The following CPLANE1 variants were observed in gnomAD, a reference collection of about 807,000 sequenced individuals.
CPLANE1 encodes the protein ciliogenesis and planar polarity effector 1.
CPLANE1 carries 263 observed loss-of-function variants against 362.5 expected under a neutral mutation model. That is an observed-to-expected ratio of 0.73 (90% confidence interval 0.66 to 0.80). The LOEUF (loss-of-function observed/expected upper bound fraction) is 0.80, where lower values mean the gene tolerates loss of function less well. Among genes scored for constraint, CPLANE1 ranks in the 30% least tolerant of loss-of-function variants. CPLANE1 has a pLI of 0.00. For synonymous variants in CPLANE1, 1,212 were observed against 1,302.6 expected, an observed-to-expected ratio of 0.93 and a Z score of 1.50; for missense variants, 3,461 against 3,793.4, an observed-to-expected ratio of 0.91 and a Z score of 2.30.
chr5:37,192,999 C>T (rs1236620202), intron 21 of CPLANE1, among the ~76,000 whole-genome samples: 1 of 151,690 alleles, frequency 6.6e-6, no homozygotes, highest in East Asian at 1.9e-4. Flanking sequence ...AAACCCCGCC[C>T]TACTAAAAAG....
chr5:37,176,670 C>T (rs1781237849), intron 30 of CPLANE1, among the ~76,000 whole-genome samples: 1 of 152,020 alleles, frequency 6.6e-6, no homozygotes, highest in Non-Finnish European at 1.5e-5. Flanking sequence ...CTTGTAAAGG[C>T]CCATAGTATT....
In CPLANE1 at chr5:37,125,361, T is replaced by A. The variant is rs1366512924; in HGVS notation, c.8841A>T (p.Arg2947Ser). ...GRHSQRTDKE[R>S]REIQAWMKRK... Reference sequence around the variant, plus strand: ...TTTTCATCCAGGCTTGAATCTCTCTTCTTTCCTTGTCAGTTCTTTGTGAAT... The same window carrying A: ...TTTTCATCCAGGCTTGAATCTCTCTACTTTCCTTGTCAGTTCTTTGTGAAT... The change falls in exon 47 of 53, where the codon AGA (arginine) becomes AGT (serine). Residue 2947 changes from arginine (R) to serine (S), a missense_variant. This residue lies in a region of CPLANE1 where 3,380 missense variants were observed against 3,666.1 expected (regional missense o/e 0.92). Transcript: ENST00000651892. 6.2e-7 allele frequency: 1 copy of A among 1,613,884 alleles called. No homozygotes were observed. The highest frequency in any genetic ancestry group is 8.5e-7 in the Non-Finnish European group (1 of 1,179,952).
At chr5:37,120,095 C>A in intron 50 of CPLANE1, 121 bp downstream of exon 50, 1 of 984,238 alleles carries the variant, frequency 1.0e-6, no homozygotes, top group Non-Finnish European at 1.5e-6. Context: ...GCCTCGCCTT[C>A]TGTTCAAATC....
At chr5:37,236,163 A>G (rs1798946189) in intron 8 of CPLANE1, among the ~76,000 whole-genome samples, 1 of 152,120 alleles carries the variant, frequency 6.6e-6, no homozygotes, top group South Asian at 2.1e-4. Context: ...TGCCCAGCCT[A>G]CTAATTTCAA....
intron 46 of CPLANE1, among the ~76,000 whole-genome samples, chr5:37,137,868 TGA>T (rs1473325823): frequency 2.0e-5 from 3 of 151,808 alleles, no homozygotes; most frequent in African/African-American, 7.3e-5. Context: ...CAATTCAAGC[TGA>T]GATTTGGATG....
chr5:37,176,217 G>C, intron 30 of CPLANE1: 1 of 376,674 alleles, frequency 2.7e-6, no homozygotes, highest in South Asian at 5.6e-5. Flanking sequence ...AAATACGGCT[G>C]ACTGCTCAGC....
chr5:37,077,854 G>A, the CPLANE1 span, among the ~76,000 whole-genome samples: 3 of 151,968 alleles, frequency 2.0e-5, no homozygotes, highest in Non-Finnish European at 2.9e-5. Flanking sequence ...GGACTCAAGC[G>A]ATCCTCCCAC....
At chr5:37,143,800 T>G (rs1770538737) in intron 43 of CPLANE1, among the ~76,000 whole-genome samples, 1 of 151,998 alleles carries the variant, frequency 6.6e-6, no homozygotes, top group South Asian at 2.1e-4. Context: ...CCAGTGGTGG[T>G]GGCACACGCC....
At chr5:37,178,389 G>A (rs146261224) in intron 29 of CPLANE1, among the ~76,000 whole-genome samples, 249 of 151,824 alleles carry the variant, frequency 1.6e-3, no homozygotes, top group Non-Finnish European at 2.7e-3. Flanking sequence ...GTTGAGGCTA[G>A]GAGTTCAAGA....
At chr5:37,215,850 G>T (rs1580808879) in intron 15 of CPLANE1, among the ~76,000 whole-genome samples, 1 of 121,988 alleles carries the variant, frequency 8.2e-6, no homozygotes. Context: ...TTTGTTTTTT[G>T]AGAAAGAATC....
intron 21 of CPLANE1, among the ~76,000 whole-genome samples, chr5:37,195,104 G>A (rs984538491): frequency 2.0e-5 from 3 of 148,378 alleles, no homozygotes; most frequent in Admixed American, 6.7e-5. Context: ...GCAGTGAGCC[G>A]AGATCACGCC....
intron 46 of CPLANE1, among the ~76,000 whole-genome samples, chr5:37,137,919 GT>G (rs775799115): frequency 1.3e-3 from 181 of 142,698 alleles, no homozygotes; most frequent in East Asian, 5.1e-3. Flanking sequence ...TATCAGGGTT[GT>G]TTTTTTTTTT....
chr5:37,246,031 T>G (rs1739505255), intron 2 of CPLANE1, 186 bp from the exon 3 acceptor site: 1 of 421,938 alleles, frequency 2.4e-6, no homozygotes, highest in African/African-American at 2.0e-5. Flanking sequence ...TGTTTTAAAA[T>G]ACCTCGTTAG....
chr5:37,128,140 A>G (rs1003114312), intron 46 of CPLANE1, among the ~76,000 whole-genome samples: 1 of 152,104 alleles, frequency 6.6e-6, no homozygotes, highest in African/African-American at 2.4e-5. Flanking sequence ...ATTACAAAAA[A>G]TTTTTTTTGA....
At chr5:37,192,862 A>AC (rs1786003921) in intron 21 of CPLANE1, among the ~76,000 whole-genome samples, 2 of 148,208 alleles carry the variant, frequency 1.3e-5, no homozygotes, top group African/African-American at 5.0e-5. Context: ...TCAAAAAAAA[A>AC]AAAAAAAAAC....
chr5:37,203,329 C>T (rs780751997), intron 18 of CPLANE1, among the ~76,000 whole-genome samples: 1 of 152,128 alleles, frequency 6.6e-6, no homozygotes, highest in Admixed American at 6.5e-5. Flanking sequence ...CTTACCATGA[C>T]GGTTCTGTGA....
intron 46 of CPLANE1, among the ~76,000 whole-genome samples, chr5:37,130,273 T>C (rs548682249): frequency 3.9e-5 from 6 of 152,198 alleles, no homozygotes; most frequent in Non-Finnish European, 8.8e-5. Flanking sequence ...AGACTACAAA[T>C]TGGGTACAGT....
chr5:37,217,630 TAAATAAATA>T lies in CPLANE1; in HGVS notation c.2746+3685_2746+3693del, dbSNP rs1167099007. On this transcript the variant is annotated intron_variant, in intron 15 of 52. Transcript: ENST00000651892. The stretch of plus-strand genomic sequence containing the variant: ...TCAAATAAATAAATAAATAAATAAA[TAAATAAATA>T]AAAATAAAGTGTAATTCTGTATAGG... 1.1e-4 allele frequency among the ~76,000 whole-genome samples: 16 copies of T among 144,860 alleles called. No homozygotes were observed. In the East Asian group the frequency reaches 3.5e-3, roughly 32 times the overall value.
At chr5:37,224,912 T>C (rs1417638388) in intron 12 of CPLANE1, among the ~76,000 whole-genome samples, 172 bp from the exon 13 acceptor site, 1 of 151,374 alleles carries the variant, frequency 6.6e-6, no homozygotes, top group African/African-American at 2.4e-5. Context: ...ATGCCTTATA[T>C]AAAATCTTCA....
Sources: gnomAD v4.1 joint callset for allele counts (sites outside exome capture counted in the v4.1 genomes callset) on GRCh38, gnomAD v4.1.1 for gene constraint, gnomAD v4.1.1 regional missense constraint, MANE v1.5 for transcripts, NCBI Gene and HGNC (gene_info 2026-07-23, HGNC 2026-07-21) for gene names.